PTCSC3: variants seen among roughly 807,000 people sequenced by gnomAD.
PTCSC3 encodes papillary thyroid carcinoma susceptibility candidate 3, also known as papillary thyroid carcinoma susceptibility candidate 3 (non-protein coding).
chr14:36,168,360 A>AATATATAT (rs147400390), intron 1 of PTCSC3, among the ~76,000 whole-genome samples: 1,998 of 113,550 alleles, frequency 0.018, 30 homozygotes, highest in African/African-American at 0.038. Context: ...ATTGATTCTG[A>AATATATAT]ATATATATAT....
At chr14:36,141,622 G>A (rs1881423575) in intron 3 of PTCSC3, among the ~76,000 whole-genome samples, 1 of 151,862 alleles carries the variant, frequency 6.6e-6, no homozygotes, top group African/African-American at 2.4e-5. Context: ...CAAAGTGCTG[G>A]GATTACAGGC....
At chr14:36,164,611 A>C (rs1051337181) in intron 1 of PTCSC3, among the ~76,000 whole-genome samples, 1 of 152,106 alleles carries the variant, frequency 6.6e-6, no homozygotes, top group Non-Finnish European at 1.5e-5. Context: ...TAAAACAACT[A>C]TCCGTACTTG....
intron 3 of PTCSC3, among the ~76,000 whole-genome samples, chr14:36,140,917 G>A (rs949167806): frequency 6.6e-6 from 1 of 152,072 alleles, no homozygotes; most frequent in African/African-American, 2.4e-5. Context: ...AAAGGTGTAA[G>A]GTCTGTGTCT....
intron 2 of PTCSC3, among the ~76,000 whole-genome samples, chr14:36,154,320 T>C (rs757493569): frequency 1.3e-5 from 2 of 152,180 alleles, no homozygotes; most frequent in African/African-American, 4.8e-5. Flanking sequence ...TGTACATTAT[T>C]ACTTCAATAT....
intron 2 of PTCSC3, among the ~76,000 whole-genome samples, chr14:36,158,758 C>T (rs567202372): frequency 6.6e-6 from 1 of 152,276 alleles, no homozygotes; most frequent in South Asian, 2.1e-4. Flanking sequence ...CAGGATGATG[C>T]TGGCCTCATA....
intron 2 of PTCSC3, among the ~76,000 whole-genome samples, chr14:36,161,353 T>G (rs1305008273): frequency 6.6e-6 from 1 of 152,212 alleles, no homozygotes; most frequent in Non-Finnish European, 1.5e-5. Context: ...CTCATCTTTG[T>G]GGATTTATCT....
At chr14:36,148,653 C>T (rs138216585) in intron 3 of PTCSC3, among the ~76,000 whole-genome samples, 3,645 of 152,248 alleles carry the variant, frequency 0.024, 136 homozygotes, top group African/African-American at 0.084. Flanking sequence ...AGCTGTAGAC[C>T]GGAGCTGTTC....
chr14:36,143,926 C>T (rs12886026), intron 3 of PTCSC3, among the ~76,000 whole-genome samples: 71,413 of 149,230 alleles, frequency 0.48, 18,084 homozygotes, highest in Non-Finnish European at 0.58. Context: ...ATCCTTTCCC[C>T]ATTGCTTGTT....
chr14:36,159,731 T>A (rs914609226), intron 2 of PTCSC3, among the ~76,000 whole-genome samples: 8 of 152,160 alleles, frequency 5.3e-5, no homozygotes, highest in African/African-American at 1.9e-4. Context: ...TGATTTGGGG[T>A]GGAGAGTTCT....
chr14:36,135,256 T>C (rs888216663), downstream of PTCSC3, among the ~76,000 whole-genome samples: 2 of 152,214 alleles, frequency 1.3e-5, no homozygotes, highest in Non-Finnish European at 2.9e-5. Flanking sequence ...TATCTTAATA[T>C]GAATGGAATT....
intron 3 of PTCSC3, among the ~76,000 whole-genome samples, chr14:36,148,148 C>T (rs529832979): frequency 2.0e-4 from 30 of 151,984 alleles, no homozygotes; most frequent in Non-Finnish European, 3.2e-4. Context: ...GAGATGGAGC[C>T]TACAGAGGCA....
In PTCSC3 at chr14:36,169,259, A is replaced by G. The variant is rs114724223; in HGVS notation, n.172-6576T>C. On this transcript the variant is annotated intron_variant and non_coding_transcript_variant, in intron 1 of 3. Coordinates refer to ENST00000556013, the Ensembl canonical transcript of PTCSC3. The stretch of plus-strand genomic sequence containing the variant: ...TCTATGGAAAATGTGTCCTAAATAT[A>G]TAATTGTAATATTAAGAATAGCTCT... Among the ~76,000 whole-genome samples, 541 of 152,264 alleles carry G rather than the reference A, an allele frequency of 3.6e-3. 4 individuals carry two copies. The highest frequency in any genetic ancestry group is 0.017 in the Middle Eastern group (5 of 294).
chr14:36,160,645 T>G (rs927215464), intron 2 of PTCSC3, among the ~76,000 whole-genome samples: 27 of 90,714 alleles, frequency 3.0e-4, no homozygotes, highest in African/African-American at 8.0e-4. Flanking sequence ...TCTCTCTGGC[T>G]GCCTTAAGAT....
intron 3 of PTCSC3, among the ~76,000 whole-genome samples, chr14:36,145,977 T>C (rs1450840749): frequency 5.3e-5 from 8 of 152,174 alleles, no homozygotes; most frequent in Non-Finnish European, 1.0e-4. Context: ...CGGTTTTGAG[T>C]AAGATTCTTA....
intron 1 of PTCSC3, among the ~76,000 whole-genome samples, chr14:36,169,961 A>T (rs905516169): frequency 2.0e-5 from 3 of 152,180 alleles, no homozygotes; most frequent in African/African-American, 7.2e-5. Flanking sequence ...CATGCAAAAA[A>T]TCTAGGACCA....
intron 3 of PTCSC3, among the ~76,000 whole-genome samples, chr14:36,152,899 G>GAAAA (rs34538222): frequency 6.8e-6 from 1 of 146,278 alleles, no homozygotes; most frequent in Non-Finnish European, 1.5e-5. Context: ...ATCTCGAAAG[G>GAAAA]AAAAAAAAAA....
At chr14:36,143,958 C>A (rs913554144) in intron 3 of PTCSC3, among the ~76,000 whole-genome samples, 2 of 152,022 alleles carry the variant, frequency 1.3e-5, no homozygotes, top group African/African-American at 4.8e-5. Flanking sequence ...TGTCAAAGAT[C>A]AGATAGTTGT....
chr14:36,161,665 G>A (rs1331923911), intron 2 of PTCSC3, among the ~76,000 whole-genome samples: 1 of 152,174 alleles, frequency 6.6e-6, no homozygotes, highest in Non-Finnish European at 1.5e-5. Context: ...GTCCACCCCG[G>A]CTGGGAGGTG....
At chr14:36,175,136 G>T (rs1882260530) in intron 1 of PTCSC3, among the ~76,000 whole-genome samples, 1 of 152,096 alleles carries the variant, frequency 6.6e-6, no homozygotes. Flanking sequence ...ACTTGCTTCA[G>T]TTACCCTGAA....
Sources: allele counts gnomAD v4.1 joint callset (sites outside exome capture counted in the v4.1 genomes callset), GRCh38; gene constraint gnomAD v4.1.1; transcripts MANE v1.5; gene names NCBI Gene and HGNC (gene_info 2026-07-23, HGNC 2026-07-21).